Variants in SIPA1L1 observed in about 807,000 individuals in gnomAD.
The protein encoded by SIPA1L1 is signal induced proliferation associated 1 like 1.
A neutral mutation model predicts 162.7 loss-of-function variants in SIPA1L1; 26 were observed. That is an observed-to-expected ratio of 0.16 (90% CI 0.12 to 0.22). The LOEUF is 0.22. SIPA1L1 is among the 10% of genes least tolerant of loss of function. SIPA1L1 has a pLI of 1.00. For missense variants in SIPA1L1, 1,874 were observed against 2,241.0 expected (o/e 0.84, Z 3.31); for synonymous variants, 829 against 837.4 (o/e 0.99, Z 0.17).
Position 71,588,973 on chromosome 14 carries a change from C to T in SIPA1L1, c.1101C>T (p.Ala367=), listed in dbSNP as rs747416475. 1.5e-5 allele frequency: 25 copies of T among 1,613,984 alleles called. No individual in the cohort carries two copies. The highest frequency in any genetic ancestry group is 8.0e-5 in the African/African-American group (6 of 74,920). ...CCACCACTGGAGCTTCCGCAGCTGC[C>T]GTGGCATCCTTGGTCTCTGGACCTC... ...RNTTTGASAA[A]VASLVSGPLS... is the part of the protein sequence containing the mutation. Residue 367 remains alanine (A), a synonymous_variant, in exon 5 of 24, where the codon GCC becomes GCT. Coordinates refer to ENST00000381232, the MANE Select transcript of SIPA1L1 (RefSeq NM_001386936.1). The surrounding 1 kb of genome is among the most constrained non-coding windows in gnomAD (Gnocchi z 4.3).
chr14:71,428,963 T>C (rs2043787506), intron 2 of SIPA1L1, among the ~76,000 whole-genome samples: 1 of 152,212 alleles, frequency 6.6e-6, no homozygotes, highest in Non-Finnish European at 1.5e-5. Flanking sequence ...AAGTTTTCCA[T>C]AGATTCCACA....
At chr14:71,686,727 G>C (rs2080894132) in intron 13 of SIPA1L1, among the ~76,000 whole-genome samples, 1 of 152,032 alleles carries the variant, frequency 6.6e-6, no homozygotes, top group Non-Finnish European at 1.5e-5. Flanking sequence ...ACTTCTTTCT[G>C]TCCATCCACT....
intron 15 of SIPA1L1, chr14:71,704,822 A>G (rs1356158549): frequency 3.7e-6 from 5 of 1,362,306 alleles, no homozygotes; most frequent in Non-Finnish European, 4.2e-6. Flanking sequence ...GTAACACGTG[A>G]TTGCATCCAT....
intron 3 of SIPA1L1, among the ~76,000 whole-genome samples, chr14:71,518,374 T>C (rs1366085105): frequency 2.0e-5 from 3 of 152,308 alleles, no homozygotes; most frequent in Non-Finnish European, 4.4e-5. Context: ...GGAATCTAGT[T>C]TAATTTCCCT....
At position 71,587,719 on chromosome 14, in the gene SIPA1L1, A is replaced by AGGT. The variant is rs2034789226; in HGVS notation, c.-154_-153insGGT. On this transcript the variant is annotated 5_prime_UTR_variant, in exon 5 of 24. Coordinates refer to ENST00000381232, the MANE Select transcript of SIPA1L1 (RefSeq NM_001386936.1). ...GTTCCAATTTTTCAGTGCTTTACAAATAAAGCATCATTTAACCTTTTAAAT... is the reference window on the plus strand; with the variant it reads ...GTTCCAATTTTTCAGTGCTTTACAAAGGTTAAAGCATCATTTAACCTTTTAAAT... The AGGT allele has an allele frequency of 6.8e-6, 5 of 731,072 alleles. No individual in the cohort carries two copies. The highest frequency in any genetic ancestry group is 1.1e-5 in the Non-Finnish European group (5 of 449,640). The allele number at this position is 731,072 out of a possible 1,614,324, so 45.3% of individuals were successfully genotyped here.
At chr14:71,405,097 A>G (rs1403236968) in intron 2 of SIPA1L1, among the ~76,000 whole-genome samples, 1 of 152,266 alleles carries the variant, frequency 6.6e-6, no homozygotes, top group Non-Finnish European at 1.5e-5. Flanking sequence ...TGATTGGTAC[A>G]TAGTAGGTGC....
chr14:71,550,165 A>T (rs2055675572), intron 4 of SIPA1L1, among the ~76,000 whole-genome samples: 2 of 152,180 alleles, frequency 1.3e-5, no homozygotes, highest in South Asian at 4.1e-4. Flanking sequence ...AGGTGGACGG[A>T]TCACTTGACC....
At chr14:71,484,673 C>T (rs1277039219) in intron 2 of SIPA1L1, among the ~76,000 whole-genome samples, 1 of 152,102 alleles carries the variant, frequency 6.6e-6, no homozygotes, top group Non-Finnish European at 1.5e-5. Flanking sequence ...TTTGCTATCC[C>T]AGAAAACTGA....
At chr14:71,496,882 T>C (rs1484186929) in intron 2 of SIPA1L1, among the ~76,000 whole-genome samples, 1 of 152,182 alleles carries the variant, frequency 6.6e-6, no homozygotes, top group Non-Finnish European at 1.5e-5. Context: ...CCTTTAAAAA[T>C]GATCCTGGGC....
chr14:71,491,761 A>AACACACACACACACACACACACACAC (rs59275638), intron 2 of SIPA1L1, among the ~76,000 whole-genome samples: 7 of 97,878 alleles, frequency 7.2e-5, no homozygotes, highest in African/African-American at 1.6e-4. Context: ...TTTTATTTCA[A>AACACACACACACACACACACACACAC]ACACACACAC....
At chr14:71,355,331 T>G (rs777251477) in intron 2 of SIPA1L1, among the ~76,000 whole-genome samples, 12 of 152,248 alleles carry the variant, frequency 7.9e-5, no homozygotes, top group Non-Finnish European at 1.5e-4. Context: ...CTTTTAGTAT[T>G]AGATAATAGT....
At chr14:71,479,004 C>T (rs961566740) in intron 2 of SIPA1L1, among the ~76,000 whole-genome samples, 2 of 152,004 alleles carry the variant, frequency 1.3e-5, no homozygotes, top group African/African-American at 4.8e-5. Flanking sequence ...CCATTTTCTC[C>T]AGGTTTAGGA....
rs770995187 is a variant in SIPA1L1, at chr14:71,588,614, A to T, written c.742A>T (p.Ile248Phe). 6.2e-7 allele frequency: 1 copy of T among 1,613,904 alleles called. No homozygotes were observed. The highest frequency in any genetic ancestry group is 8.5e-7 in the Non-Finnish European group (1 of 1,179,954). The stretch of plus-strand genomic sequence containing the variant: ...TCCAACCAAGCTCAGTGACTTTCTC[A>T]TTACTGGTGGTGGCAAGGGTTCTGG... ...PTPTKLSDFL[I>F]TGGGKGSGFS... Residue 248 changes from isoleucine to phenylalanine, a missense_variant, in exon 5 of 24, where the codon ATT (isoleucine) becomes TTT (phenylalanine). Physicochemically the swap from Ile to Phe is conservative, Grantham distance 21. This residue lies in a region of SIPA1L1 where 685 missense variants were observed against 828.0 expected (regional missense o/e 0.83). Transcript: ENST00000381232. The surrounding 1 kb of genome is among the most constrained non-coding windows in gnomAD (Gnocchi z 4.3).
chr14:71,656,237 C>G (rs574035249), intron 8 of SIPA1L1, among the ~76,000 whole-genome samples: 1 of 152,256 alleles, frequency 6.6e-6, no homozygotes, highest in South Asian at 2.1e-4. Context: ...AATAAATGAT[C>G]TTCAGTGTTT....
intron 3 of SIPA1L1, among the ~76,000 whole-genome samples, chr14:71,524,506 C>T (rs950798152): frequency 2.6e-5 from 4 of 152,200 alleles, no homozygotes; most frequent in African/African-American, 9.6e-5. Flanking sequence ...CATTCTCATT[C>T]TCCATTCTCA....
intron 2 of SIPA1L1, among the ~76,000 whole-genome samples, chr14:71,492,078 T>C (rs532564792): frequency 2.6e-5 from 4 of 152,260 alleles, no homozygotes; most frequent in South Asian, 4.1e-4. Context: ...GAGATGCCTG[T>C]CCTTGACAAC....
chr14:71,538,424 G>A (rs952197638), intron 4 of SIPA1L1, among the ~76,000 whole-genome samples: 2 of 152,174 alleles, frequency 1.3e-5, no homozygotes, highest in African/African-American at 4.8e-5. Context: ...CTTCCACCTG[G>A]TACACAGGGA....
At chr14:71,572,180 C>T (rs913758670) in intron 4 of SIPA1L1, among the ~76,000 whole-genome samples, 2 of 152,208 alleles carry the variant, frequency 1.3e-5, no homozygotes, top group Admixed American at 6.5e-5. Context: ...ACCCATTAAT[C>T]TGTGACTGGA....
At chr14:71,326,211 CT>C (rs964178060) in intron 2 of SIPA1L1, among the ~76,000 whole-genome samples, 352 of 142,242 alleles carry the variant, frequency 2.5e-3, no homozygotes, top group East Asian at 5.6e-3. Context: ...CGACTTGCTT[CT>C]TTTTTTTTTT....
Sources: allele counts gnomAD v4.1 joint callset (sites outside exome capture counted in the v4.1 genomes callset), GRCh38; gene constraint gnomAD v4.1.1; regional missense constraint gnomAD v4.1.1; non-coding constraint Gnocchi (gnomAD v3.1); transcripts MANE v1.5; gene names NCBI Gene and HGNC (gene_info 2026-07-23, HGNC 2026-07-21).